Variants in USP2 observed in about 807,000 individuals in gnomAD.
USP2 encodes the protein ubiquitin carboxyl-terminal hydrolase 2.
In USP2, 33 loss-of-function variants were observed where a neutral mutation model predicts 72.0. That is an observed-to-expected ratio of 0.46 (90% confidence interval 0.35 to 0.61). The LOEUF (loss-of-function observed/expected upper bound fraction) is 0.61. USP2 is among the 20% of genes least tolerant of loss of function. The probability of loss-of-function intolerance (pLI) is 0.01; values close to 1 mark genes in which losing one functional copy is unlikely to be tolerated. For synonymous variants in USP2, 296 were observed against 312.5 expected, an observed-to-expected ratio of 0.95 and a Z score of 0.56; for missense variants, 691 against 797.8, an observed-to-expected ratio of 0.87 and a Z score of 1.61.
Position 119,356,707 on chromosome 11 carries a change from G to C in USP2, c.*128C>G. The C allele has an allele frequency of 1.0e-6, 1 of 982,802 alleles. No individual in the cohort carries two copies. The highest frequency in any genetic ancestry group is 1.5e-6 in the Non-Finnish European group (1 of 674,188). 60.9% of individuals were successfully genotyped at this position (982,802 alleles called of 1,614,324 possible). A position where few individuals can be genotyped will look rare whatever the true frequency, so the allele number is the denominator to read the frequency against. On this transcript the variant is annotated 3_prime_UTR_variant, in exon 13 of 13. Coordinates refer to ENST00000260187, the MANE Select transcript of USP2 (RefSeq NM_004205.5). ...GATCAGGCTGCATCCACTCCTGCTC[G>C]GCAGCTTCAGGTTTGTTTTTCTCTT...
At chr11:119,363,221 C>T (rs1933629549) in intron 2 of USP2, among the ~76,000 whole-genome samples, 1 of 152,244 alleles carries the variant, frequency 6.6e-6, no homozygotes, top group Admixed American at 6.5e-5. Flanking sequence ...CTTCTCCCTT[C>T]CCCAGGCGGG....
intron 1 of USP2, among the ~76,000 whole-genome samples, chr11:119,374,225 G>A (rs1241384666): frequency 1.3e-5 from 2 of 152,246 alleles, no homozygotes; most frequent in African/African-American, 4.8e-5. Context: ...CTAAGCTTCT[G>A]TTCTAAGTGG....
chr11:119,357,816 C>T lies in USP2; in HGVS notation c.1442G>A (p.Gly481Asp). 1 of 1,613,870 alleles carries T rather than the reference C, an allele frequency of 6.2e-7. No individual in the cohort carries two copies. Among genetic ancestry groups the T allele is most frequent in the Non-Finnish European group, 8.5e-7 (1 of 1,179,952 alleles). Reference protein sequence around the residue: ...DEKPTCCRCRGRKRCIKKFSI... With the variant: ...DEKPTCCRCRDRKRCIKKFSI... The stretch of plus-strand genomic sequence containing the variant: ...GAACTTCTTTATACACCGTTTTCTG[C>T]CTCGGCAGCGACAGCATGTCTGAGA... Residue 481 changes from glycine (G) to aspartate (D), a missense_variant, in exon 10 of 13, where the codon GGC becomes GAC. Coordinates refer to ENST00000260187, the MANE Select transcript of USP2 (RefSeq NM_004205.5).
chr11:119,378,410 C>T (rs994633515), intron 1 of USP2, among the ~76,000 whole-genome samples: 2 of 152,174 alleles, frequency 1.3e-5, no homozygotes, highest in Non-Finnish European at 2.9e-5. Flanking sequence ...CTGGCCTCCT[C>T]CCCTCCAGCC....
chr11:119,381,190 C>T (rs1565316365), intron 1 of USP2, among the ~76,000 whole-genome samples: 1 of 152,138 alleles, frequency 6.6e-6, no homozygotes, highest in South Asian at 2.1e-4. Context: ...GGCCACATAC[C>T]ACCGATATAC....
At chr11:119,363,463 G>A (rs1332649572) in intron 2 of USP2, among the ~76,000 whole-genome samples, 1 of 152,172 alleles carries the variant, frequency 6.6e-6, no homozygotes, top group Non-Finnish European at 1.5e-5. Flanking sequence ...CTTCCTCGCC[G>A]GGGTTTGGCC....
At position 119,381,519 on chromosome 11, in the gene USP2, G is replaced by T. The variant is rs1479208341; in HGVS notation, c.-88C>A. 1 of 1,536,066 alleles carries T rather than the reference G, an allele frequency of 6.5e-7. No homozygotes were observed. Among genetic ancestry groups the T allele is most frequent in the East Asian group, 2.4e-5 (1 of 40,938 alleles). On this transcript the variant is annotated 5_prime_UTR_variant, in exon 1 of 13. Transcript: ENST00000260187. Reference sequence around the variant, plus strand: ...ACGAGTCGAACCGGGCACAAGCATGGAGCTGCGGGTGAGTCCCGGCTGGCG... The same window carrying T: ...ACGAGTCGAACCGGGCACAAGCATGTAGCTGCGGGTGAGTCCCGGCTGGCG...
rs375833938 is a variant in USP2, at chr11:119,373,015, A to G, written c.466T>C (p.Ser156Pro). The change falls in exon 2 of 13, where the codon TCA (serine) becomes CCA (proline). Residue 156 changes from serine (S) to proline (P), a missense_variant. Coordinates refer to ENST00000260187, the MANE Select transcript of USP2 (RefSeq NM_004205.5). ...LARDFSSLRT[S>P]DSYRIDPRNL... ...CTGGGGTCTATCCGGTAGCTATCTGAGGTCCGGAGGCTGGAGAAATCCCGG... is the reference window on the plus strand; with the variant it reads ...CTGGGGTCTATCCGGTAGCTATCTGGGGTCCGGAGGCTGGAGAAATCCCGG... 1.9e-6 allele frequency: 3 copies of G among 1,613,774 alleles called. No homozygotes were observed. Among genetic ancestry groups the G allele is most frequent in the Non-Finnish European group, 2.5e-6 (3 of 1,180,010 alleles).
At chr11:119,376,758 C>T (rs1951006882) in intron 1 of USP2, among the ~76,000 whole-genome samples, 1 of 152,278 alleles carries the variant, frequency 6.6e-6, no homozygotes, top group African/African-American at 2.4e-5. Context: ...GTGCTGATCA[C>T]CTCTGAACCA....
chr11:119,369,185 C>A (rs952865648), intron 2 of USP2, among the ~76,000 whole-genome samples: 13 of 152,290 alleles, frequency 8.5e-5, no homozygotes, highest in Middle Eastern at 3.4e-3. Flanking sequence ...GGGAGGCCCT[C>A]ATTATACAAG....
intron 12 of USP2, 120 bp from the exon 13 acceptor site, chr11:119,357,042 G>A (rs1950669615): frequency 7.1e-7 from 1 of 1,414,302 alleles, no homozygotes. Flanking sequence ...CACGGGCAGC[G>A]GCTTCGTGGC....
chr11:119,360,121 T>C, intron 3 of USP2, 63 bp downstream of exon 3: 2 of 1,586,660 alleles, frequency 1.3e-6, no homozygotes, highest in Non-Finnish European at 8.6e-7. Flanking sequence ...ACTCTGGTTA[T>C]ATGGCTCCAG....
At chr11:119,357,035 G>T in intron 12 of USP2, 113 bp from the exon 13 acceptor site, 1 of 1,427,822 alleles carries the variant, frequency 7.0e-7, no homozygotes, top group South Asian at 1.2e-5. Flanking sequence ...GCCTCCCCAC[G>T]GGCAGCGGCT....
Position 119,356,809 on chromosome 11 carries a change from A to G in USP2, c.*26T>C. The stretch of plus-strand genomic sequence containing the variant: ...TTAGGGAGCGGGGCCACCACGGGGA[A>G]GGGAGAAGGGACGTGGCTCCTGGCG... On this transcript the variant is annotated 3_prime_UTR_variant, in exon 13 of 13. Transcript: ENST00000260187. The G allele has an allele frequency of 1.3e-6, 2 of 1,537,112 alleles. No homozygotes were observed. Among genetic ancestry groups the G allele is most frequent in the Non-Finnish European group, 1.8e-6 (2 of 1,139,822 alleles).
rs781203505 is a variant in USP2 at position 119,358,080 on chromosome 11, C to A, written c.1342-19G>T. The A allele has an allele frequency of 2.5e-5, 40 of 1,614,030 alleles. No individual in the cohort carries two copies. Among genetic ancestry groups the A allele is most frequent in the Non-Finnish European group, 3.3e-5 (39 of 1,180,022 alleles). ...AACCTCGCTGGGAAGGGGAAAAAAG[C>A]AAAGGTCAGAGGTCAACATGAAAGG... On this transcript the variant is annotated intron_variant, in intron 8 of 12. Transcript: ENST00000260187.
intron 2 of USP2, among the ~76,000 whole-genome samples, chr11:119,364,513 A>C (rs1950824238): frequency 6.6e-6 from 1 of 152,234 alleles, no homozygotes; most frequent in South Asian, 2.1e-4. Flanking sequence ...CGTCTCCCCA[A>C]GACCCAGTGG....
Position 119,357,527 on chromosome 11 carries a change from G to T in USP2, c.1565C>A (p.Pro522His). Residue 522 changes from proline (P) to histidine (H), a missense_variant, in exon 11 of 13, where the codon CCC (proline) becomes CAC (histidine). Pro to His is a moderately conservative substitution (Grantham distance 77). Coordinates refer to ENST00000260187, the MANE Select transcript of USP2 (RefSeq NM_004205.5). ...TTCTCTTAAGTCCAGGTCTCTTAGG[G>T]GGAAGTTCACAAATGTTGTGAGCTT... ...TSKLTTFVNF[P>H]LRDLDLREFA... 1 of 1,614,158 alleles carries T rather than the reference G, an allele frequency of 6.2e-7. No individual in the cohort carries two copies. Among genetic ancestry groups the T allele is most frequent in the Non-Finnish European group, 8.5e-7 (1 of 1,180,030 alleles).
chr11:119,364,180 G>A (rs1447665077), intron 2 of USP2: 2 of 1,186,740 alleles, frequency 1.7e-6, no homozygotes, highest in East Asian at 3.6e-5. Context: ...CCAACAGCCC[G>A]GGTCCCGGCT....
chr11:119,379,977 C>T (rs944537057), intron 1 of USP2, among the ~76,000 whole-genome samples: 2 of 128,548 alleles, frequency 1.6e-5, no homozygotes, highest in Admixed American at 1.0e-4. Flanking sequence ...TGCAGTGGCG[C>T]GATCTTGGCT....
Sources: allele counts gnomAD v4.1 joint callset (sites outside exome capture counted in the v4.1 genomes callset), GRCh38; gene constraint gnomAD v4.1.1; transcripts MANE v1.5; gene names NCBI Gene and HGNC (gene_info 2026-07-23, HGNC 2026-07-21).